CTNND1: variants seen among roughly 807,000 people sequenced by gnomAD.
CTNND1 encodes catenin delta-1.
A neutral mutation model predicts 112.1 loss-of-function variants in CTNND1; 16 were observed. The observed-to-expected ratio is 0.14, with a 90% confidence interval of 0.10 to 0.22. CTNND1 has a LOEUF of 0.22. Ranked by LOEUF, CTNND1 falls within the 10% of genes least tolerant of loss-of-function variation. The pLI is 1.00. For synonymous variants in CTNND1, 420 were observed against 446.5 expected, an observed-to-expected ratio of 0.94 and a Z score of 0.75; for missense variants, 1,008 against 1,257.0, an observed-to-expected ratio of 0.80 and a Z score of 3.00.
chr11:57,785,623 C>T (rs1263400190), intron 1 of CTNND1, among the ~76,000 whole-genome samples: 1 of 151,984 alleles, frequency 6.6e-6, no homozygotes, highest in Non-Finnish European at 1.5e-5. Flanking sequence ...GATCTCGGCT[C>T]ACTGCAACCT....
intron 6 of CTNND1, among the ~76,000 whole-genome samples, chr11:57,801,295 G>T (rs1398611918): frequency 6.6e-6 from 1 of 152,116 alleles, no homozygotes; most frequent in African/African-American, 2.4e-5. Context: ...TTCCTGTTTG[G>T]TTAAGGAACT....
At chr11:57,769,300 C>T (rs1372345538) in intron 1 of CTNND1, among the ~76,000 whole-genome samples, 5 of 151,328 alleles carry the variant, frequency 3.3e-5, no homozygotes, top group African/African-American at 1.2e-4. Context: ...CCAGCCTGGG[C>T]GACAGGGCGA....
intron 1 of CTNND1, among the ~76,000 whole-genome samples, chr11:57,774,199 C>G (rs1953572377): frequency 6.6e-6 from 1 of 152,168 alleles, no homozygotes; most frequent in Non-Finnish European, 1.5e-5. Flanking sequence ...CTGGTTCTCT[C>G]TCTGTTGTCA....
chr11:57,791,582 G>A lies in CTNND1; in HGVS notation c.104G>A (p.Arg35His). Residue 35 changes from arginine (R) to histidine (H), a missense_variant, in exon 3 of 21, where the codon CGC becomes CAC. Physicochemically the swap from Arg to His is conservative, Grantham distance 29. This residue lies in a region of CTNND1 where 404 missense variants were observed against 457.9 expected (regional missense o/e 0.88). Coordinates refer to ENST00000399050, the MANE Select transcript of CTNND1 (RefSeq NM_001085458.2). ...ACCCGGGCGCTGGAGGAGGAACGGCGCCACGTCTCGGCGCAGCTGGAACGC... is the reference window on the plus strand; with the variant it reads ...ACCCGGGCGCTGGAGGAGGAACGGCACCACGTCTCGGCGCAGCTGGAACGC... ...KLTRALEEERRHVSAQLERVR... is the reference protein window; with the variant it reads ...KLTRALEEERHHVSAQLERVR... 1.9e-6 allele frequency: 3 copies of A among 1,611,502 alleles called. No homozygotes were observed. Among genetic ancestry groups the A allele is most frequent in the Non-Finnish European group, 2.5e-6 (3 of 1,178,902 alleles).
chr11:57,765,460 A>ATT (rs5792061), intron 1 of CTNND1, among the ~76,000 whole-genome samples: 6,549 of 105,438 alleles, frequency 0.062, 295 homozygotes, highest in Non-Finnish European at 0.089. Context: ...TCCTCCCTTA[A>ATT]TTTTTTTTTT....
chr11:57,816,518 T>G lies in CTNND1; in HGVS notation c.*210T>G. 13 of 582,278 alleles carry G rather than the reference T, an allele frequency of 2.2e-5. No homozygotes were observed. The highest frequency in any genetic ancestry group is 3.7e-5 in the Non-Finnish European group (12 of 328,118). 36.1% of individuals were successfully genotyped at this position (582,278 alleles called of 1,614,324 possible). A position where few individuals can be genotyped will look rare whatever the true frequency, so the allele number is the denominator to read the frequency against. ...TGTCTCAACGCCTCCCCCTCCCCCATTCCCTCCATTTTTCTCCCAAGAAAC... is the reference window on the plus strand; with the variant it reads ...TGTCTCAACGCCTCCCCCTCCCCCAGTCCCTCCATTTTTCTCCCAAGAAAC... On this transcript the variant is annotated 3_prime_UTR_variant, in exon 21 of 21. Coordinates refer to ENST00000399050, the MANE Select transcript of CTNND1 (RefSeq NM_001085458.2).
At position 57,789,042 on chromosome 11, in the gene CTNND1, T is replaced by G. The variant is rs1023590459; in HGVS notation, c.-208T>G. 1 of 1,534,956 alleles carries G rather than the reference T, an allele frequency of 6.5e-7. No individual in the cohort carries two copies. Among genetic ancestry groups the G allele is most frequent in the African/African-American group, 1.4e-5 (1 of 73,036 alleles). ...TCCTTCAAATATTTCTGCAGCTCTC[T>G]CCTTCCTGCTTCCTCCTTGCTGTGG... is the stretch of plus-strand genomic sequence containing the variant. On this transcript the variant is annotated 5_prime_UTR_variant, in exon 2 of 21. Transcript: ENST00000399050.
At chr11:57,793,482 A>G (rs1170503439) in intron 3 of CTNND1, among the ~76,000 whole-genome samples, 2 of 152,248 alleles carry the variant, frequency 1.3e-5, no homozygotes, top group East Asian at 3.9e-4. Context: ...TTAGGACATG[A>G]TAGCCATCTT....
chr11:57,775,348 AACACACAC>A (rs147874424), intron 1 of CTNND1, among the ~76,000 whole-genome samples: 2 of 141,480 alleles, frequency 1.4e-5, no homozygotes, highest in Non-Finnish European at 3.1e-5. Context: ...AAAAAAAAAC[AACACACAC>A]ACACACACAC....
At chr11:57,814,048 C>G (rs944692910) in intron 17 of CTNND1, 33 of 375,794 alleles carry the variant, frequency 8.8e-5, no homozygotes, top group African/African-American at 6.1e-4. Flanking sequence ...GGTGTGATGG[C>G]TCACACCTGT....
chr11:57,807,605 C>CAAAAAA (rs71470294), intron 12 of CTNND1, among the ~76,000 whole-genome samples: 17 of 29,140 alleles, frequency 5.8e-4, no homozygotes, highest in Non-Finnish European at 6.1e-4. Flanking sequence ...AACTCCGTCT[C>CAAAAAA]AAAAAAAAAA....
chr11:57,800,487 C>T (rs527423844), intron 6 of CTNND1, among the ~76,000 whole-genome samples: 29 of 152,230 alleles, frequency 1.9e-4, no homozygotes, highest in Admixed American at 3.9e-4. Flanking sequence ...ATGCTGGTCT[C>T]GAACTTCTGA....
chr11:57,799,979 G>GATTTTTTTTTTTTTTTTTTT (rs2061800193), intron 6 of CTNND1, among the ~76,000 whole-genome samples: 1 of 58,834 alleles, frequency 1.7e-5, no homozygotes, highest in African/African-American at 6.8e-5. Context: ...TTGTTTCCGT[G>GATTTTTTTTTTTTTTTTTTT]TTTTTTTTTT....
At position 57,789,841 on chromosome 11, in the gene CTNND1, C is replaced by T. The variant is rs558564; in HGVS notation, c.-95+686C>T. Among the ~76,000 whole-genome samples, 746 of 152,202 alleles carry T rather than the reference C, an allele frequency of 4.9e-3. 2 individuals carry two copies. Among genetic ancestry groups the T allele is most frequent in the Non-Finnish European group, 8.2e-3 (561 of 68,002 alleles). ...AGATGTGGGAACTTCCAGCCATTGACGTGTGGAGGTTAGGATATGAACTAC... is the reference window on the plus strand; with the variant it reads ...AGATGTGGGAACTTCCAGCCATTGATGTGTGGAGGTTAGGATATGAACTAC... On this transcript the variant is annotated intron_variant, in intron 2 of 20. Transcript: ENST00000399050.
intron 1 of CTNND1, among the ~76,000 whole-genome samples, chr11:57,779,089 A>G (rs561173441): frequency 1.2e-4 from 19 of 152,326 alleles, no homozygotes; most frequent in African/African-American, 4.3e-4. Context: ...CTAGAAGGAA[A>G]TAAATGTTAA....
In CTNND1 at chr11:57,796,602, G is replaced by C. The variant is rs373643406; in HGVS notation, c.566G>C (p.Gly189Ala). 5 of 1,613,866 alleles carry C rather than the reference G, an allele frequency of 3.1e-6. No homozygotes were observed. The African/African-American group carries it at 5.3e-5, about 17-fold the overall frequency. ...GATTTCCGCAAGAATGGCAATGGGG[G>C]ACCTGGTCCCTATGTGGGGCAAGCT... ...GRDFRKNGNG[G>A]PGPYVGQAGT... The change falls in exon 6 of 21, where the codon GGA becomes GCA. Residue 189 changes from glycine (G) to alanine (A), a missense_variant. Physicochemically the swap from Gly to Ala is moderately conservative, Grantham distance 60. Around this residue, in one of 5 missense-constraint regions of CTNND1, gnomAD observed 404 missense variants for 457.9 expected, o/e 0.88. Transcript: ENST00000399050.
At chr11:57,791,813 G>A (rs2060777797) in intron 3 of CTNND1, 140 bp downstream of exon 3, 2 of 893,792 alleles carry the variant, frequency 2.2e-6, no homozygotes, top group Middle Eastern at 2.4e-4. Flanking sequence ...TTCCAGGGGT[G>A]TTAAATGCTG....
In CTNND1 at chr11:57,774,695, A is replaced by G. The variant is rs568949651; in HGVS notation, c.-214+12576A>G. Among the ~76,000 whole-genome samples the G allele has an allele frequency of 5.5e-4, 12 of 21,958 alleles. No individual in the cohort carries two copies. The Admixed American group carries it at 8.1e-3, about 15-fold the overall frequency. 14.4% of individuals were successfully genotyped at this position (21,958 alleles called of 152,430 possible). On this transcript the variant is annotated intron_variant, in intron 1 of 20. Transcript: ENST00000399050. ...AGGCCATAAGAGTCTATGAGGGTTT[A>G]TTTATTTATTTATTTATTTATTTAT...
At chr11:57,803,477 C>A (rs964759898) in intron 7 of CTNND1, 144 bp from the exon 8 acceptor site, 12 of 529,264 alleles carry the variant, frequency 2.3e-5, no homozygotes, top group Non-Finnish European at 3.6e-5. Context: ...TGGTGAGGGT[C>A]GCAAACAAAG....
Sources: gnomAD v4.1 joint callset for allele counts (sites outside exome capture counted in the v4.1 genomes callset) on GRCh38, gnomAD v4.1.1 for gene constraint, gnomAD v4.1.1 regional missense constraint, MANE v1.5 for transcripts, NCBI Gene and HGNC (gene_info 2026-07-23, HGNC 2026-07-21) for gene names.